SH3PXD2A: variants seen among roughly 807,000 people sequenced by gnomAD.
SH3PXD2A encodes the protein SH3 and PX domains 2A, also known as SH3 and PX domain-containing protein 2A.
A neutral mutation model predicts 115.2 loss-of-function variants in SH3PXD2A; 32 were observed. The observed-to-expected ratio is 0.28, with a 90% CI of 0.21 to 0.37. The LOEUF (loss-of-function observed/expected upper bound fraction) is 0.37. Ranked by LOEUF, SH3PXD2A falls within the 10% of genes least tolerant of loss-of-function variation. The pLI, the probability that SH3PXD2A is intolerant of heterozygous loss-of-function variation, is 1.00. For synonymous variants in SH3PXD2A, 610 were observed against 629.1 expected (o/e 0.97, Z 0.45); for missense variants, 1,328 against 1,498.7 (o/e 0.89, Z 1.88).
At position 103,784,623 on chromosome 10, in the gene SH3PXD2A, A is replaced by G. The variant is rs1180988444; in HGVS notation, c.153+16659T>C. On this transcript the variant is annotated intron_variant, in intron 2 of 14. Transcript: ENST00000369774. The surrounding 1 kb of genome is among the most constrained non-coding windows in gnomAD (Gnocchi z 4.4). The stretch of plus-strand genomic sequence containing the variant: ...CTGGAGAGAAGCTGCAGCACAGAGA[A>G]GCACTGGCAGCGGCTGGCTGGAGGG... 6.6e-6 allele frequency among the ~76,000 whole-genome samples: 1 copy of G among 152,186 alleles called. No individual in the cohort carries two copies. Among genetic ancestry groups the G allele is most frequent in the African/African-American group, 2.4e-5 (1 of 41,446 alleles).
intron 3 of SH3PXD2A, among the ~76,000 whole-genome samples, chr10:103,745,179 C>T (rs760129737): frequency 9.9e-5 from 15 of 152,228 alleles, no homozygotes; most frequent in African/African-American, 7.2e-5. Context: ...TCTGTTACCA[C>T]CTGGGGGAAG....
At chr10:103,681,310 G>A (rs529234895) in intron 6 of SH3PXD2A, among the ~76,000 whole-genome samples, 4 of 152,200 alleles carry the variant, frequency 2.6e-5, no homozygotes, top group Non-Finnish European at 5.9e-5. Context: ...GTTCTTCAAG[G>A]AGCAGTCCCA....
intron 1 of SH3PXD2A, among the ~76,000 whole-genome samples, chr10:103,836,252 G>T (rs2039538665): frequency 6.6e-6 from 1 of 152,012 alleles, no homozygotes; most frequent in Non-Finnish European, 1.5e-5. Flanking sequence ...CTGATCATAG[G>T]GGGCTCTCAA....
intron 6 of SH3PXD2A, among the ~76,000 whole-genome samples, chr10:103,681,507 C>CCTAT (rs2037607235): frequency 6.6e-6 from 1 of 152,220 alleles, no homozygotes; most frequent in African/African-American, 2.4e-5. Context: ...GTGGCTCACG[C>CCTAT]CTATAATCCC....
intron 5 of SH3PXD2A, among the ~76,000 whole-genome samples, chr10:103,709,032 T>A (rs1339773931): frequency 6.6e-6 from 1 of 151,896 alleles, no homozygotes; most frequent in Non-Finnish European, 1.5e-5. Context: ...CACAGCCTGG[T>A]CTAAGCTGCA....
At chr10:103,640,002 A>G (rs1179778889) in intron 8 of SH3PXD2A, among the ~76,000 whole-genome samples, 1 of 152,234 alleles carries the variant, frequency 6.6e-6, no homozygotes, top group African/African-American at 2.4e-5. Context: ...CTGCTGTTCC[A>G]GCAAGAGAAA....
At chr10:103,698,954 T>G (rs1013026373) in intron 5 of SH3PXD2A, among the ~76,000 whole-genome samples, 1 of 151,956 alleles carries the variant, frequency 6.6e-6, no homozygotes, top group African/African-American at 2.4e-5. Context: ...AGTTGTGGAC[T>G]GGGCAGTGAG....
chr10:103,600,595 G>T lies in SH3PXD2A; in HGVS notation c.*1221C>A, dbSNP rs1447755621. 1.3e-5 allele frequency: 2 copies of T among 152,248 alleles called. No homozygotes were observed. Among genetic ancestry groups the T allele is most frequent in the African/African-American group, 4.8e-5 (2 of 41,464 alleles). The allele number at this position is 152,248 out of a possible 1,614,324, so 9.4% of individuals were successfully genotyped here. On this transcript the variant is annotated 3_prime_UTR_variant, in exon 15 of 15. Transcript: ENST00000369774. ...GAATGGCGGTCACCCAGCAGGCTGG[G>T]AGCTGCCTTCTCTCCAAAAGTCTGG... is the stretch of plus-strand genomic sequence containing the variant.
intron 11 of SH3PXD2A, among the ~76,000 whole-genome samples, chr10:103,614,314 A>G (rs566282213): frequency 5.8e-4 from 88 of 152,280 alleles, no homozygotes; most frequent in African/African-American, 2.0e-3. Context: ...AACAAGTAAG[A>G]CAGACACTGG....
intron 2 of SH3PXD2A, 103 bp downstream of exon 2, chr10:103,801,179 G>T: frequency 1.4e-6 from 1 of 718,936 alleles, no homozygotes; most frequent in South Asian, 1.6e-5. Flanking sequence ...CCTGGACTCT[G>T]ACCCTGACAG....
chr10:103,678,414 G>A (rs892408571), intron 6 of SH3PXD2A, among the ~76,000 whole-genome samples: 2 of 152,258 alleles, frequency 1.3e-5, no homozygotes, highest in African/African-American at 4.8e-5. Flanking sequence ...TGGAAGATGA[G>A]AGGGTCGGGA....
chr10:103,705,345 C>T (rs894736934), intron 5 of SH3PXD2A, among the ~76,000 whole-genome samples: 3 of 152,204 alleles, frequency 2.0e-5, no homozygotes, highest in Non-Finnish European at 2.9e-5. Flanking sequence ...GAGCAGTTCT[C>T]CCCACCGTGA....
At chr10:103,660,841 ACTTCAGCCG>A in intron 8 of SH3PXD2A, 133 bp downstream of exon 8, 1 of 905,252 alleles carries the variant, frequency 1.1e-6, no homozygotes. Context: ...ACAGGGGGAA[ACTTCAGCCG>A]CCTCGGCCCT....
intron 1 of SH3PXD2A, among the ~76,000 whole-genome samples, chr10:103,833,005 G>A (rs1431883790): frequency 2.0e-5 from 3 of 152,022 alleles, no homozygotes; most frequent in Admixed American, 6.6e-5. Flanking sequence ...AAAATTCTAC[G>A]TAAGTGTTCC....
chr10:103,750,984 C>T (rs1484165529), intron 3 of SH3PXD2A, among the ~76,000 whole-genome samples: 1 of 152,198 alleles, frequency 6.6e-6, no homozygotes, highest in Non-Finnish European at 1.5e-5. Flanking sequence ...CCGCAGAACA[C>T]CACAGCGGGA....
At chr10:103,663,701 G>A (rs1158703816) in intron 7 of SH3PXD2A, among the ~76,000 whole-genome samples, 1 of 152,234 alleles carries the variant, frequency 6.6e-6, no homozygotes, top group African/African-American at 2.4e-5. Flanking sequence ...CTTCTGTAGG[G>A]GGAGGCTCCC....
At chr10:103,780,087 A>G (rs2038917736) in intron 2 of SH3PXD2A, among the ~76,000 whole-genome samples, 1 of 152,234 alleles carries the variant, frequency 6.6e-6, no homozygotes, top group Admixed American at 6.5e-5. Flanking sequence ...ACGGGATCAA[A>G]TTCAGACTGA....
intron 2 of SH3PXD2A, among the ~76,000 whole-genome samples, chr10:103,779,868 TC>T (rs978699660): frequency 1.8e-4 from 27 of 152,292 alleles, no homozygotes; most frequent in African/African-American, 6.5e-4. Context: ...TTTGAAATTC[TC>T]CCCAAAGCTG....
chr10:103,650,256 C>A (rs2037099843), intron 8 of SH3PXD2A, among the ~76,000 whole-genome samples: 1 of 152,152 alleles, frequency 6.6e-6, no homozygotes, highest in Non-Finnish European at 1.5e-5. Flanking sequence ...CCGCATCACT[C>A]CCCAGTCCTC....
Sources: gnomAD v4.1 joint callset for allele counts (sites outside exome capture counted in the v4.1 genomes callset) on GRCh38, gnomAD v4.1.1 for gene constraint, Gnocchi (gnomAD v3.1) non-coding constraint, MANE v1.5 for transcripts, NCBI Gene and HGNC (gene_info 2026-07-23, HGNC 2026-07-21) for gene names.